CSNK1G1: variants seen among roughly 807,000 people sequenced by gnomAD.
The protein encoded by CSNK1G1 is casein kinase I isoform gamma-1.
In CSNK1G1, 22 loss-of-function variants were observed where a neutral mutation model predicts 59.6. The observed-to-expected ratio is 0.37, with a 90% CI of 0.26 to 0.53. The LOEUF (loss-of-function observed/expected upper bound fraction) is 0.53, where lower values mean the gene tolerates loss of function less well. CSNK1G1 is among the 20% of genes least tolerant of loss of function. The probability of loss-of-function intolerance (pLI) is 0.89; values close to 1 mark genes in which losing one functional copy is unlikely to be tolerated. For synonymous variants in CSNK1G1, 179 were observed against 177.1 expected (o/e 1.01, Z -0.08); for missense variants, 384 against 519.5 (o/e 0.74, Z 2.54).
intron 10 of CSNK1G1, among the ~76,000 whole-genome samples, chr15:64,185,180 T>G (rs187848385): frequency 1.3e-5 from 2 of 152,240 alleles, no homozygotes; most frequent in Non-Finnish European, 2.9e-5. Flanking sequence ...GGAGCCTTCA[T>G]GTGCCTTATC....
chr15:64,217,338 G>A (rs2082325064), intron 4 of CSNK1G1, among the ~76,000 whole-genome samples: 1 of 152,174 alleles, frequency 6.6e-6, no homozygotes, highest in African/African-American at 2.4e-5. Flanking sequence ...GCTGATGAAA[G>A]GAAAAGGGGG....
rs111627915 is a variant in CSNK1G1 at position 64,337,473 on chromosome 15, C to T, written c.-225+18515G>A. Among the ~76,000 whole-genome samples the T allele has an allele frequency of 6.9e-3, 1,054 of 152,144 alleles. 11 individuals carry two copies. Among genetic ancestry groups the T allele is most frequent in the African/African-American group, 0.017 (711 of 41,500 alleles). On this transcript the variant is annotated intron_variant, in intron 1 of 11. Coordinates refer to ENST00000303052, the MANE Select transcript of CSNK1G1 (RefSeq NM_022048.5). ...AAGCTATTCTACCACTTCAGCCTCC[C>T]GAACAGCTAGGACTACAGGTACCAC...
At chr15:64,187,265 C>T (rs1003605081) in intron 10 of CSNK1G1, among the ~76,000 whole-genome samples, 1 of 152,084 alleles carries the variant, frequency 6.6e-6, no homozygotes, top group African/African-American at 2.4e-5. Context: ...GATCTCGGCT[C>T]ACTGCAACTT....
At position 64,216,956 on chromosome 15, in the gene CSNK1G1, C is replaced by A. The variant is rs892721585; in HGVS notation, c.293-243G>T. On this transcript the variant is annotated intron_variant, in intron 4 of 11. Coordinates refer to ENST00000303052, the MANE Select transcript of CSNK1G1 (RefSeq NM_022048.5). The surrounding 1 kb of genome is among the most constrained non-coding windows in gnomAD (Gnocchi z 4.6). The stretch of plus-strand genomic sequence containing the variant: ...TGAGTAGTTATTTAATACCACAGTG[C>A]CAAAAACATTTCCACTGCTATAAGA... Among the ~76,000 whole-genome samples the A allele has an allele frequency of 6.6e-6, 1 of 152,180 alleles. No homozygotes were observed. The highest frequency in any genetic ancestry group is 2.4e-5 in the African/African-American group (1 of 41,442).
At chr15:64,334,770 T>G (rs1009033848) in intron 1 of CSNK1G1, among the ~76,000 whole-genome samples, 1 of 152,140 alleles carries the variant, frequency 6.6e-6, no homozygotes, top group African/African-American at 2.4e-5. Flanking sequence ...CAGATGAAGC[T>G]TCACGCACTC....
chr15:64,206,162 C>A (rs1352373161), intron 7 of CSNK1G1, among the ~76,000 whole-genome samples: 1 of 152,150 alleles, frequency 6.6e-6, no homozygotes, highest in African/African-American at 2.4e-5. Flanking sequence ...AAAAAATTGG[C>A]TGGGTGCAGT....
intron 2 of CSNK1G1, among the ~76,000 whole-genome samples, chr15:64,281,164 C>T (rs564565533): frequency 3.0e-4 from 46 of 152,316 alleles, no homozygotes; most frequent in Non-Finnish European, 5.7e-4. Flanking sequence ...CAGGCATACG[C>T]CACCATGCCG....
At chr15:64,292,688 G>T (rs1004987275) in intron 2 of CSNK1G1, among the ~76,000 whole-genome samples, 2 of 152,148 alleles carry the variant, frequency 1.3e-5, no homozygotes, top group African/African-American at 4.8e-5. Flanking sequence ...ACTTTGGGAG[G>T]CCGAGGTGGC....
At chr15:64,301,666 T>A (rs1895345640) in intron 1 of CSNK1G1, among the ~76,000 whole-genome samples, 1 of 152,226 alleles carries the variant, frequency 6.6e-6, no homozygotes. Context: ...GGCAGGCAGA[T>A]CACCTGAGGT....
intron 10 of CSNK1G1, among the ~76,000 whole-genome samples, chr15:64,191,987 G>T (rs935795892): frequency 2.6e-5 from 4 of 152,162 alleles, no homozygotes; most frequent in Non-Finnish European, 5.9e-5. Flanking sequence ...GAATGCCTAG[G>T]AAATAGATGA....
chr15:64,248,991 C>T (rs1003493194), intron 4 of CSNK1G1, among the ~76,000 whole-genome samples: 5 of 152,084 alleles, frequency 3.3e-5, no homozygotes, highest in African/African-American at 7.2e-5. Context: ...GGCATGGTGG[C>T]GGGCGCCTGT....
chr15:64,180,770 G>C (rs1357973989), intron 10 of CSNK1G1, among the ~76,000 whole-genome samples: 1 of 152,188 alleles, frequency 6.6e-6, no homozygotes, highest in Admixed American at 6.5e-5. Flanking sequence ...ACTAACAAAT[G>C]ACTTAACCAA....
Position 64,216,977 on chromosome 15 carries a change from T to C in CSNK1G1, c.293-264A>G, listed in dbSNP as rs558351478. 6.6e-6 allele frequency among the ~76,000 whole-genome samples: 1 copy of C among 152,232 alleles called. No individual in the cohort carries two copies. The highest frequency in any genetic ancestry group is 6.5e-5 in the Admixed American group (1 of 15,284). On this transcript the variant is annotated intron_variant, in intron 4 of 11. Coordinates refer to ENST00000303052, the MANE Select transcript of CSNK1G1 (RefSeq NM_022048.5). This position sits in a 1 kb window ranked among gnomAD's most constrained non-coding sequence, Gnocchi z 4.6. The stretch of plus-strand genomic sequence containing the variant: ...AGTGCCAAAAACATTTCCACTGCTA[T>C]AAGATAGAGAATGGTCCCTGATCCA...
At chr15:64,272,478 A>C (rs1214214769) in intron 2 of CSNK1G1, among the ~76,000 whole-genome samples, 1 of 151,968 alleles carries the variant, frequency 6.6e-6, no homozygotes, top group Admixed American at 6.6e-5. Context: ...CGGCCTCCCA[A>C]AGTGCTGGGA....
chr15:64,340,790 C>G (rs1181160669), intron 1 of CSNK1G1, among the ~76,000 whole-genome samples: 1 of 152,130 alleles, frequency 6.6e-6, no homozygotes, highest in Non-Finnish European at 1.5e-5. Context: ...CCTGTCTCTA[C>G]AGATAGTTTT....
At chr15:64,353,594 C>T (rs1361500707) in intron 1 of CSNK1G1, among the ~76,000 whole-genome samples, 1 of 150,100 alleles carries the variant, frequency 6.7e-6, no homozygotes, top group Non-Finnish European at 1.5e-5. Context: ...TTTCAGTGAG[C>T]CGAGATCGTG....
At chr15:64,223,390 C>T (rs565108923) in intron 4 of CSNK1G1, among the ~76,000 whole-genome samples, 19 of 152,040 alleles carry the variant, frequency 1.2e-4, no homozygotes, top group East Asian at 1.9e-4. Flanking sequence ...GGTACACATG[C>T]GGTAAACAGG....
At chr15:64,273,771 G>A (rs1158911228) in intron 2 of CSNK1G1, among the ~76,000 whole-genome samples, 1 of 151,672 alleles carries the variant, frequency 6.6e-6, no homozygotes, top group Non-Finnish European at 1.5e-5. Flanking sequence ...TTTTAAGAGA[G>A]TTTGCAATTT....
intron 10 of CSNK1G1, chr15:64,181,057 A>C: frequency 8.9e-7 from 1 of 1,129,310 alleles, no homozygotes; most frequent in Admixed American, 3.2e-5. Flanking sequence ...AAATAATCAC[A>C]CTTTCCTTCA....
Sources: allele counts gnomAD v4.1 joint callset (sites outside exome capture counted in the v4.1 genomes callset), GRCh38; gene constraint gnomAD v4.1.1; non-coding constraint Gnocchi (gnomAD v3.1); transcripts MANE v1.5; gene names NCBI Gene and HGNC (gene_info 2026-07-23, HGNC 2026-07-21).